CELF1: variants seen among roughly 807,000 people sequenced by gnomAD.
The protein encoded by CELF1 is 50 kDa nuclear polyadenylated RNA-binding protein.
A neutral mutation model predicts 61.8 loss-of-function variants in CELF1; 10 were observed. The ratio of observed to expected loss-of-function variants is 0.16; its 90% CI spans 0.10 to 0.27. The LOEUF (loss-of-function observed/expected upper bound fraction) is 0.27, where lower values mean the gene tolerates loss of function less well. Ranked by LOEUF, CELF1 falls within the 10% of genes least tolerant of loss-of-function variation. The pLI, the probability that CELF1 is intolerant of heterozygous loss-of-function variation, is 1.00. For missense variants in CELF1, 380 were observed against 639.1 expected (o/e 0.59, Z 4.37); for synonymous variants, 236 against 225.1 (o/e 1.05, Z -0.43).
chr11:47,532,091 C>T (rs942444278), intron 1 of CELF1, among the ~76,000 whole-genome samples: 3 of 151,316 alleles, frequency 2.0e-5, no homozygotes, highest in African/African-American at 7.3e-5. Flanking sequence ...AGTGCAGTGG[C>T]GCAATCTCAA....
intron 3 of CELF1, among the ~76,000 whole-genome samples, chr11:47,490,349 TGTTA>T (rs2090766387): frequency 6.6e-6 from 1 of 152,154 alleles, no homozygotes; most frequent in Non-Finnish European, 1.5e-5. Flanking sequence ...TTAGCTTTTC[TGTTA>T]GTATCTGCTT....
chr11:47,542,464 A>C (rs1371951413), intron 1 of CELF1, among the ~76,000 whole-genome samples: 1 of 152,038 alleles, frequency 6.6e-6, no homozygotes. Context: ...TGCAATCACT[A>C]AAAAAACCTC....
intron 9 of CELF1, among the ~76,000 whole-genome samples, chr11:47,482,030 C>T (rs114410043): frequency 0.033 from 4,984 of 152,090 alleles, 279 homozygotes; most frequent in African/African-American, 0.11. Context: ...CAGTGAAAGC[C>T]CATCCCTACT....
At chr11:47,490,294 T>C (rs2090742282) in intron 3 of CELF1, among the ~76,000 whole-genome samples, 1 of 152,110 alleles carries the variant, frequency 6.6e-6, no homozygotes, top group South Asian at 2.1e-4. Context: ...ACTCTGAACA[T>C]TTATCTAAAC....
Position 47,483,445 on chromosome 11 carries a change from C to T in CELF1, c.606+8G>A. ...AGGAATTTTCCCCATCACCTATCTGCTCCCTACCTCCATGGTCTGTGCTTG... is the reference window on the plus strand; with the variant it reads ...AGGAATTTTCCCCATCACCTATCTGTTCCCTACCTCCATGGTCTGTGCTTG... On this transcript the variant is annotated splice_region_variant and intron_variant, in intron 8 of 14. Coordinates refer to ENST00000687097, the MANE Select transcript of CELF1 (RefSeq NM_001376376.1). 1.2e-6 allele frequency: 2 copies of T among 1,612,562 alleles called. No homozygotes were observed. Among genetic ancestry groups the T allele is most frequent in the East Asian group, 2.2e-5 (1 of 44,856 alleles).
At chr11:47,528,809 T>C (rs1175310365) in intron 1 of CELF1, among the ~76,000 whole-genome samples, 2 of 151,618 alleles carry the variant, frequency 1.3e-5, no homozygotes, top group East Asian at 2.0e-4. Context: ...AGGATCATTT[T>C]GATTCCAGGA....
In CELF1 at chr11:47,472,432, A is replaced by G. The variant is rs190324812; in HGVS notation, c.1418-75T>C. The G allele has an allele frequency of 2.2e-4, 325 of 1,507,824 alleles. No individual in the cohort carries two copies. In the African/African-American group the frequency reaches 3.9e-3, roughly 18 times the overall value. 93.4% of individuals were successfully genotyped at this position (1,507,824 alleles called of 1,614,324 possible). On this transcript the variant is annotated intron_variant, in intron 14 of 14. Transcript: ENST00000687097. ...ATTCTCAGTCCTCCTTATGCAAGAT[A>G]CCTTATGTGCTTCATCTCAAATCCC...
At chr11:47,493,823 T>G (rs2153513614) in intron 3 of CELF1, among the ~76,000 whole-genome samples, 1 of 152,282 alleles carries the variant, frequency 6.6e-6, no homozygotes, top group East Asian at 1.9e-4. Context: ...TAATAAGCAG[T>G]CACAAACTTT....
intron 2 of CELF1, among the ~76,000 whole-genome samples, chr11:47,559,723 C>T (rs766491149): frequency 3.0e-4 from 46 of 152,148 alleles, no homozygotes; most frequent in Non-Finnish European, 4.7e-4. Flanking sequence ...AAGCAGAGGC[C>T]GGGCGCAGTG....
intron 1 of CELF1, among the ~76,000 whole-genome samples, chr11:47,510,991 G>C (rs1161265933): frequency 6.6e-6 from 1 of 151,798 alleles, no homozygotes; most frequent in African/African-American, 2.4e-5. Flanking sequence ...AGACCAGCCT[G>C]GGCAACATCA....
At chr11:47,474,156 C>A (rs2153375140) in intron 13 of CELF1, among the ~76,000 whole-genome samples, 1 of 152,320 alleles carries the variant, frequency 6.6e-6, no homozygotes, top group Admixed American at 6.5e-5. Context: ...CTTGGCCTCT[C>A]AAAGTGCTGG....
chr11:47,552,529 C>G (rs60206633), intron 1 of CELF1, among the ~76,000 whole-genome samples: 2,991 of 152,322 alleles, frequency 0.02, 37 homozygotes, highest in Middle Eastern at 0.031. Flanking sequence ...GCGCTGCCTT[C>G]TAGGGGCGCG....
rs562296076 is a variant in CELF1, at chr11:47,547,025, C to T, written c.-154+5967G>A. ...GAGGTTGTGGTGAGCCAAGATCATG[C>T]CATTACTTTAGTCTGGGCAACAAAA... On this transcript the variant is annotated intron_variant, in intron 1 of 14. Coordinates refer to ENST00000687097, the MANE Select transcript of CELF1 (RefSeq NM_001376376.1). Among the ~76,000 whole-genome samples, 892 of 114,576 alleles carry T rather than the reference C, an allele frequency of 7.8e-3. 6 individuals carry two copies. The highest frequency in any genetic ancestry group is 0.026 in the Middle Eastern group (2 of 78). 75.2% of individuals were successfully genotyped at this position (114,576 alleles called of 152,430 possible). A position where few individuals can be genotyped will look rare whatever the true frequency, so the allele number is the denominator to read the frequency against.
chr11:47,508,329 T>C (rs984247797), intron 1 of CELF1, among the ~76,000 whole-genome samples: 1 of 152,116 alleles, frequency 6.6e-6, no homozygotes, highest in Non-Finnish European at 1.5e-5. Context: ...ACAGTGTTAT[T>C]ATGTGATTGG....
At chr11:47,504,275 A>C (rs2094263323) in intron 1 of CELF1, among the ~76,000 whole-genome samples, 1 of 152,110 alleles carries the variant, frequency 6.6e-6, no homozygotes, top group Non-Finnish European at 1.5e-5. Flanking sequence ...TTAAAGAAGA[A>C]ATAGAAATAT....
chr11:47,521,539 C>T (rs1364999138), intron 1 of CELF1, among the ~76,000 whole-genome samples: 1 of 152,216 alleles, frequency 6.6e-6, no homozygotes, highest in Non-Finnish European at 1.5e-5. Context: ...TTAACTTCTT[C>T]ATAAATACCT....
At chr11:47,544,717 C>G (rs2096890164) in intron 1 of CELF1, among the ~76,000 whole-genome samples, 1 of 152,168 alleles carries the variant, frequency 6.6e-6, no homozygotes, top group South Asian at 2.1e-4. Flanking sequence ...TAGCAATCAA[C>G]TTTGGGAGGC....
intron 2 of CELF1, among the ~76,000 whole-genome samples, chr11:47,558,669 TATA>T (rs1226861855): frequency 1.9e-5 from 2 of 107,070 alleles, no homozygotes; most frequent in Non-Finnish European, 1.8e-5. Context: ...TATTACATAA[TATA>T]ATATGTAATA....
chr11:47,511,679 C>T (rs376443102), intron 1 of CELF1, among the ~76,000 whole-genome samples: 2 of 152,248 alleles, frequency 1.3e-5, no homozygotes, highest in African/African-American at 2.4e-5. Flanking sequence ...AATCCTCATA[C>T]GTACGCTATC....
Sources: gnomAD v4.1 joint callset for allele counts (sites outside exome capture counted in the v4.1 genomes callset) on GRCh38, gnomAD v4.1.1 for gene constraint, MANE v1.5 for transcripts, NCBI Gene and HGNC (gene_info 2026-07-23, HGNC 2026-07-21) for gene names.